Variants in PBX1 observed in about 807,000 individuals in gnomAD.
PBX1 encodes PBX homeobox 1.
A neutral mutation model predicts 53.4 loss-of-function variants in PBX1; 6 were observed. The ratio of observed to expected loss-of-function variants is 0.11; its 90% CI spans 0.06 to 0.22. The LOEUF is 0.22. Ranked by LOEUF, PBX1 falls within the 10% of genes least tolerant of loss-of-function variation. PBX1 has a pLI of 1.00. For missense variants in PBX1, 251 were observed against 551.4 expected, an observed-to-expected ratio of 0.46 and a Z score of 5.46; for synonymous variants, 204 against 212.3, an observed-to-expected ratio of 0.96 and a Z score of 0.34.
chr1:164,758,189 T>G (rs901521957), intron 2 of PBX1, among the ~76,000 whole-genome samples: 1 of 152,336 alleles, frequency 6.6e-6, no homozygotes, highest in Non-Finnish European at 1.5e-5. Context: ...TTTTCATCCC[T>G]TACAGAATCA....
intron 2 of PBX1, among the ~76,000 whole-genome samples, chr1:164,588,774 T>C (rs1378702575): frequency 6.6e-6 from 1 of 152,042 alleles, no homozygotes; most frequent in Non-Finnish European, 1.5e-5. Flanking sequence ...CCAACAGCCT[T>C]GTTTGAGCGC....
intron 2 of PBX1, among the ~76,000 whole-genome samples, chr1:164,661,706 C>T (rs910870529): frequency 2.0e-5 from 3 of 152,064 alleles, no homozygotes; most frequent in South Asian, 4.2e-4. Context: ...GGATTACAGG[C>T]GTGAGCCACT....
intron 2 of PBX1, among the ~76,000 whole-genome samples, chr1:164,750,329 A>G (rs527394606): frequency 3.0e-4 from 45 of 152,314 alleles, no homozygotes; most frequent in Admixed American, 1.8e-3. Context: ...AAAAATATAC[A>G]GATAAACTAT....
intron 2 of PBX1, among the ~76,000 whole-genome samples, chr1:164,589,677 T>G (rs1038959124): frequency 2.6e-5 from 4 of 152,050 alleles, no homozygotes; most frequent in Non-Finnish European, 4.4e-5. Flanking sequence ...CCCTGCGAGG[T>G]ATTTAGGGTG....
At chr1:164,674,849 C>CA (rs1661331972) in intron 2 of PBX1, 1 of 19,118 alleles carries the variant, frequency 5.2e-5, no homozygotes, top group East Asian at 2.8e-3. Flanking sequence ...AAATCACAGC[C>CA]CCCCCCCCCC....
At chr1:164,707,418 T>TGTGTGTGTGAGAGAGA (rs58617739) in intron 2 of PBX1, among the ~76,000 whole-genome samples, 3 of 118,214 alleles carry the variant, frequency 2.5e-5, no homozygotes, top group African/African-American at 1.2e-4. Flanking sequence ...TGTGTGTGTG[T>TGTGTGTGTGAGAGAGA]GAGAGAGAGA....
At chr1:164,650,345 C>CA (rs1323919545) in intron 2 of PBX1, among the ~76,000 whole-genome samples, 1 of 151,756 alleles carries the variant, frequency 6.6e-6, no homozygotes, top group Non-Finnish European at 1.5e-5. Flanking sequence ...TCTCCTGCCT[C>CA]AGCCTCCTGA....
At chr1:164,601,235 CAAAAAAAAA>C (rs746798555) in intron 2 of PBX1, among the ~76,000 whole-genome samples, 3 of 33,998 alleles carry the variant, frequency 8.8e-5, no homozygotes, top group Non-Finnish European at 1.8e-4. Context: ...GATTCTGTCT[CAAAAAAAAA>C]AAAAAAAAAA....
chr1:164,702,647 G>T (rs1663190374), intron 2 of PBX1, among the ~76,000 whole-genome samples: 1 of 151,864 alleles, frequency 6.6e-6, no homozygotes, highest in Non-Finnish European at 1.5e-5. Context: ...TGCAGTGCAG[G>T]AAATATCAGC....
chr1:164,869,019 A>G (rs1036947212), intron 2 of PBX1, among the ~76,000 whole-genome samples: 1 of 152,166 alleles, frequency 6.6e-6, no homozygotes, highest in Non-Finnish European at 1.5e-5. Context: ...TGACAGTTTC[A>G]ATAGTGTTTT....
At chr1:164,606,887 CTT>C (rs1656595117) in intron 2 of PBX1, among the ~76,000 whole-genome samples, 1 of 152,194 alleles carries the variant, frequency 6.6e-6, no homozygotes, top group African/African-American at 2.4e-5. Flanking sequence ...ATTTCAGACT[CTT>C]ATAAAATCAT....
intron 2 of PBX1, chr1:164,683,289 A>G (rs148219701): frequency 6.6e-6 from 1 of 152,184 alleles, no homozygotes; most frequent in East Asian, 1.9e-4. Flanking sequence ...AAGAAACCCA[A>G]AATTGCAAGG....
At chr1:164,780,536 T>G (rs1487925517) in intron 2 of PBX1, among the ~76,000 whole-genome samples, 2 of 151,986 alleles carry the variant, frequency 1.3e-5, no homozygotes, top group Non-Finnish European at 2.9e-5. Flanking sequence ...TTAGACTCTG[T>G]TGAGAAGAGA....
intron 2 of PBX1, among the ~76,000 whole-genome samples, chr1:164,860,606 C>G (rs1672074304): frequency 1.3e-5 from 2 of 152,124 alleles, no homozygotes; most frequent in Non-Finnish European, 2.9e-5. Flanking sequence ...CACTTACGTA[C>G]TCCTTCTTCA....
At chr1:164,725,292 C>G (rs1664638885) in intron 2 of PBX1, among the ~76,000 whole-genome samples, 1 of 152,146 alleles carries the variant, frequency 6.6e-6, no homozygotes, top group African/African-American at 2.4e-5. Flanking sequence ...GCTCAGCTGA[C>G]TTCACATTTT....
intron 5 of PBX1, among the ~76,000 whole-genome samples, chr1:164,810,716 C>T (rs558648190): frequency 6.6e-6 from 1 of 152,272 alleles, no homozygotes; most frequent in South Asian, 2.1e-4. Flanking sequence ...ACTAGATATG[C>T]AGTGATCCTG....
At chr1:164,660,244 AT>A (rs1459039019) in intron 2 of PBX1, among the ~76,000 whole-genome samples, 1 of 152,180 alleles carries the variant, frequency 6.6e-6, no homozygotes, top group Non-Finnish European at 1.5e-5. Flanking sequence ...ATATAAGGGA[AT>A]GTTGTCTAAA....
chr1:164,647,530 T>C (rs1659531050), intron 2 of PBX1, among the ~76,000 whole-genome samples: 1 of 152,184 alleles, frequency 6.6e-6, no homozygotes, highest in African/African-American at 2.4e-5. Context: ...GGTATGATCT[T>C]TTAAGAAGCC....
At chr1:164,656,973 AC>A (rs1188604386) in intron 2 of PBX1, 1 of 152,090 alleles carries the variant, frequency 6.6e-6, no homozygotes, top group Non-Finnish European at 1.5e-5. Context: ...TAAAACAAAA[AC>A]CCCCTTCAAA....
Sources: allele counts gnomAD v4.1 joint callset (sites outside exome capture counted in the v4.1 genomes callset), GRCh38; gene constraint gnomAD v4.1.1; transcripts MANE v1.5; gene names NCBI Gene and HGNC (gene_info 2026-07-23, HGNC 2026-07-21).